GTF2A1L: variants seen among roughly 807,000 people sequenced by gnomAD.
GTF2A1L encodes general transcription factor IIA subunit 1 like, also known as TFIIA-alpha and beta-like factor.
GTF2A1L carries 48 observed loss-of-function variants against 49.7 expected under a neutral mutation model. The observed-to-expected ratio is 0.97, with a 90% CI of 0.77 to 1.23. The LOEUF (loss-of-function observed/expected upper bound fraction) is 1.23, where lower values mean the gene tolerates loss of function less well. Among genes scored for constraint, GTF2A1L ranks in the 50% most tolerant of loss-of-function variants. The pLI, the probability that GTF2A1L is intolerant of heterozygous loss-of-function variation, is 0.00. For synonymous variants in GTF2A1L, 246 were observed against 193.5 expected (o/e 1.27, Z -2.25); for missense variants, 736 against 564.8 (o/e 1.30, Z -3.07).
At chr2:48,666,211 C>CTTTTTTTTTTTT (rs112657393) in intron 6 of GTF2A1L, among the ~76,000 whole-genome samples, 1 of 143,776 alleles carries the variant, frequency 7.0e-6, no homozygotes, top group Non-Finnish European at 1.5e-5. Flanking sequence ...TTCTTTCTTT[C>CTTTTTTTTTTTT]TTTTTTTTTT....
intron 7 of GTF2A1L, 38 bp downstream of exon 7, chr2:48,670,020 T>G: frequency 6.4e-7 from 1 of 1,564,124 alleles, no homozygotes; most frequent in Non-Finnish European, 8.6e-7. Flanking sequence ...CCTTTATTAA[T>G]TTATAACATT....
At position 48,620,582 on chromosome 2, in the gene GTF2A1L, A is replaced by G. The variant is rs542719985; in HGVS notation, c.22-269A>G. Among the ~76,000 whole-genome samples, 11 of 152,106 alleles carry G rather than the reference A, an allele frequency of 7.2e-5. No homozygotes were observed. The South Asian group carries it at 2.3e-3, about 32-fold the overall frequency. On this transcript the variant is annotated intron_variant, in intron 1 of 8. Transcript: ENST00000403751. ...ATCACGAGGCCAGGAGTTCGAGACCAGCCTGACCATCATGGTGAAACCCTG... is the reference window on the plus strand; with the variant it reads ...ATCACGAGGCCAGGAGTTCGAGACCGGCCTGACCATCATGGTGAAACCCTG...
intron 1 of GTF2A1L, among the ~76,000 whole-genome samples, chr2:48,619,725 T>C (rs899668767): frequency 6.6e-6 from 1 of 152,208 alleles, no homozygotes. Flanking sequence ...GCACATAGCA[T>C]TGCCATTTTG....
At chr2:48,646,388 TGTG>T in intron 5 of GTF2A1L, 62 bp from the exon 6 acceptor site, 1 of 1,335,944 alleles carries the variant, frequency 7.5e-7, no homozygotes, top group Non-Finnish European at 9.8e-7. Flanking sequence ...TTTTTTTTTT[TGTG>T]GTGGTTGTCA....
Position 48,646,889 on chromosome 2 carries a change from T to C in GTF2A1L, c.825T>C (p.His275=). ...SGSASMAQNL[H]DESLSTSPHG... ...CAGCTAGCATGGCTCAAAATCTGCA[T>C]GATGAGTCCCTCTCCACAAGCCCTC... Residue 275 remains histidine, a synonymous_variant, in exon 6 of 9, where the codon CAT becomes CAC. Coordinates refer to ENST00000403751, the MANE Select transcript of GTF2A1L (RefSeq NM_006872.5). 6.2e-7 allele frequency: 1 copy of C among 1,614,204 alleles called. No homozygotes were observed. Among genetic ancestry groups the C allele is most frequent in the Non-Finnish European group, 8.5e-7 (1 of 1,180,034 alleles).
intron 3 of GTF2A1L, among the ~76,000 whole-genome samples, chr2:48,628,250 A>G (rs1469845167): frequency 7.0e-6 from 1 of 143,868 alleles, no homozygotes; most frequent in Non-Finnish European, 1.6e-5. Flanking sequence ...CAATAATGGG[A>G]TTGCTGGGTC....
At chr2:48,654,660 A>G (rs998461182) in intron 6 of GTF2A1L, among the ~76,000 whole-genome samples, 4 of 152,134 alleles carry the variant, frequency 2.6e-5, no homozygotes, top group African/African-American at 9.7e-5. Context: ...CTGGGGAAAC[A>G]GGGGTGAGCC....
rs769989712 is a variant in GTF2A1L, at chr2:48,642,428, A to G, written c.274A>G (p.Thr92Ala). ...ATCATTAGTTATTCCTGCTGGTAGA[A>G]CTCTTCCAAGTTTTACCACAGCAGA... is the stretch of plus-strand genomic sequence containing the variant. ...TASLVIPAGR[T>A]LPSFTTAELG... Residue 92 changes from threonine to alanine, a missense_variant, in exon 4 of 9, where the codon ACT (threonine) becomes GCT (alanine). Transcript: ENST00000403751. 3 of 1,592,644 alleles carry G rather than the reference A, an allele frequency of 1.9e-6. No homozygotes were observed. The highest frequency in any genetic ancestry group is 1.7e-6 in the Non-Finnish European group (2 of 1,165,936).
intron 6 of GTF2A1L, among the ~76,000 whole-genome samples, chr2:48,661,443 G>A (rs1029749156): frequency 6.6e-6 from 1 of 151,292 alleles, no homozygotes; most frequent in East Asian, 2.0e-4. Flanking sequence ...TAGTAGAGAC[G>A]GGGTTTCACC....
chr2:48,647,188 AT>A, intron 6 of GTF2A1L, 146 bp downstream of exon 6: 1 of 744,882 alleles, frequency 1.3e-6, no homozygotes, highest in Non-Finnish European at 2.0e-6. Flanking sequence ...TTTTCTAGTG[AT>A]TTAAAAAAAT....
intron 6 of GTF2A1L, among the ~76,000 whole-genome samples, chr2:48,664,059 G>T (rs1369361853): frequency 6.6e-6 from 1 of 151,952 alleles, no homozygotes; most frequent in Non-Finnish European, 1.5e-5. Context: ...ACCATTTGGG[G>T]TTGCTTTATG....
intron 3 of GTF2A1L, among the ~76,000 whole-genome samples, chr2:48,639,528 C>T (rs1427007000): frequency 9.2e-5 from 14 of 152,136 alleles, no homozygotes; most frequent in African/African-American, 3.1e-4. Context: ...CCCTTTCTTA[C>T]ACCACATACA....
chr2:48,640,685 TTAAAA>T (rs1298455642), intron 3 of GTF2A1L, among the ~76,000 whole-genome samples: 1 of 152,132 alleles, frequency 6.6e-6, no homozygotes, highest in East Asian at 1.9e-4. Flanking sequence ...ACCCCTGAAC[TTAAAA>T]TAAAAGTTAA....
At chr2:48,644,919 G>A (rs1289864098) in intron 4 of GTF2A1L, 114 bp from the exon 5 acceptor site, 1 of 830,044 alleles carries the variant, frequency 1.2e-6, no homozygotes, top group African/African-American at 1.8e-5. Flanking sequence ...TAAATGTTAA[G>A]TATTGTCAAA....
At chr2:48,655,820 C>G (rs1384551589) in intron 6 of GTF2A1L, among the ~76,000 whole-genome samples, 2 of 152,254 alleles carry the variant, frequency 1.3e-5, no homozygotes, top group East Asian at 1.9e-4. Flanking sequence ...TCTTCCCAAA[C>G]TCCATGCCCA....
At chr2:48,654,200 C>A (rs1678037998) in intron 6 of GTF2A1L, among the ~76,000 whole-genome samples, 1 of 152,020 alleles carries the variant, frequency 6.6e-6, no homozygotes, top group Non-Finnish European at 1.5e-5. Flanking sequence ...TTGATGAAGT[C>A]CAGTTTATTA....
In GTF2A1L at chr2:48,642,394, C is replaced by T; in HGVS notation, c.248-8C>T. ...AATGAATGTATATTTATTTTGTTTC[C>T]TATGCAGCATCATTAGTTATTCCTG... On this transcript the variant is annotated splice_region_variant and splice_polypyrimidine_tract_variant and intron_variant, in intron 3 of 8. Coordinates refer to ENST00000403751, the MANE Select transcript of GTF2A1L (RefSeq NM_006872.5). The T allele has an allele frequency of 6.4e-7, 1 of 1,574,686 alleles. No individual in the cohort carries two copies. Among genetic ancestry groups the T allele is most frequent in the Non-Finnish European group, 8.7e-7 (1 of 1,154,404 alleles).
In GTF2A1L at chr2:48,669,630, A is replaced by G. The variant is rs1679055627; in HGVS notation, c.979-92A>G. 5 of 1,467,368 alleles carry G rather than the reference A, an allele frequency of 3.4e-6. No homozygotes were observed. In the South Asian group the frequency reaches 5.9e-5, roughly 17 times the overall value. The allele number at this position is 1,467,368 out of a possible 1,614,324, so 90.9% of individuals were successfully genotyped here. Reference sequence around the variant, plus strand: ...AGAGAGAAGTTTGCTTGAACTGACCATTTGTGGAATGTTTGTTAATTTTAA... The same window carrying G: ...AGAGAGAAGTTTGCTTGAACTGACCGTTTGTGGAATGTTTGTTAATTTTAA... On this transcript the variant is annotated intron_variant, in intron 6 of 8. Coordinates refer to ENST00000403751, the MANE Select transcript of GTF2A1L (RefSeq NM_006872.5).
Position 48,669,903 on chromosome 2 carries a change from A to T in GTF2A1L, c.1160A>T (p.Glu387Val). 1 of 1,614,118 alleles carries T rather than the reference A, an allele frequency of 6.2e-7. No individual in the cohort carries two copies. The change falls in exon 7 of 9, where the codon GAA becomes GTA. Residue 387 changes from glutamate (E) to valine (V), a missense_variant. Transcript: ENST00000403751. ...GGAGATCTGAAGGTACCTGAAGAAG[A>T]AGCTGACAGTATTTCAAATGAGGAT... The part of the protein sequence containing the change: ...DGGDLKVPEE[E>V]ADSISNEDSA...
Sources: gnomAD v4.1 joint callset for allele counts (sites outside exome capture counted in the v4.1 genomes callset) on GRCh38, gnomAD v4.1.1 for gene constraint, MANE v1.5 for transcripts, NCBI Gene and HGNC (gene_info 2026-07-23, HGNC 2026-07-21) for gene names.